Variants in NUP155 observed in about 807,000 individuals in gnomAD.
The protein encoded by NUP155 is nucleoporin 155.
In NUP155, 71 loss-of-function variants were observed where a neutral mutation model predicts 180.4. That is an observed-to-expected ratio of 0.39 (90% confidence interval 0.33 to 0.48). The LOEUF (loss-of-function observed/expected upper bound fraction) is 0.48, where lower values mean the gene tolerates loss of function less well. NUP155 is among the 20% of genes least tolerant of loss of function. The pLI is 0.91. For synonymous variants in NUP155, 582 were observed against 559.5 expected (o/e 1.04, Z -0.57); for missense variants, 1,553 against 1,648.9 (o/e 0.94, Z 1.01).
rs1277573561 is a variant in NUP155 at position 37,341,137 on chromosome 5, GA to G, written c.1198del (p.Ser400GlnfsTer20). On this transcript the variant is annotated frameshift_variant, in exon 11 of 35. Coordinates refer to ENST00000231498, the MANE Select transcript of NUP155 (RefSeq NM_153485.3). LOFTEE classifies it high-confidence loss of function. ...TACTTTTGAAGGCTTTTCCACGGTT[GA>G]AGATGCTGAGAATCCAGGAGGTAAG... ...VRLPPGFSASSTVEKPSKVHR... is the reference protein window; with the variant it reads ...VRLPPGFSASXTVEKPSKVHR... The G allele has an allele frequency of 6.2e-7, 1 of 1,613,808 alleles. No homozygotes were observed. Among genetic ancestry groups the G allele is most frequent in the Non-Finnish European group, 8.5e-7 (1 of 1,179,824 alleles).
chr5:37,367,570 T>G (rs928610432), intron 1 of NUP155, among the ~76,000 whole-genome samples: 5 of 151,004 alleles, frequency 3.3e-5, no homozygotes, highest in African/African-American at 1.2e-4. Context: ...TCTCACTCTG[T>G]CGCCCAGGCT....
chr5:37,315,154 C>T (rs1479109560), intron 21 of NUP155, among the ~76,000 whole-genome samples: 2 of 152,300 alleles, frequency 1.3e-5, no homozygotes, highest in Non-Finnish European at 1.5e-5. Flanking sequence ...ATCGCTTGGA[C>T]CTGGGAGGTA....
intron 12 of NUP155, among the ~76,000 whole-genome samples, chr5:37,333,911 C>T (rs1318530489): frequency 6.6e-6 from 1 of 151,494 alleles, no homozygotes; most frequent in Non-Finnish European, 1.5e-5. Flanking sequence ...AAGTGATTCT[C>T]CTGCCTCAGC....
chr5:37,346,223 G>T (rs1284616268), intron 9 of NUP155, among the ~76,000 whole-genome samples: 1 of 151,308 alleles, frequency 6.6e-6, no homozygotes, highest in Non-Finnish European at 1.5e-5. Flanking sequence ...GGCTATAGCA[G>T]ACTACAATTG....
intron 19 of NUP155, among the ~76,000 whole-genome samples, chr5:37,324,523 T>C (rs1744455567): frequency 6.6e-6 from 1 of 152,114 alleles, no homozygotes; most frequent in Admixed American, 6.6e-5. Context: ...AATCATATAC[T>C]GTGTTAGGCA....
In NUP155 at chr5:37,371,005, G is replaced by A; in HGVS notation, c.-28C>T. The A allele has an allele frequency of 6.2e-7, 1 of 1,610,982 alleles. No homozygotes were observed. Among genetic ancestry groups the A allele is most frequent in the Non-Finnish European group, 8.5e-7 (1 of 1,178,334 alleles). On this transcript the variant is annotated 5_prime_UTR_variant, in exon 1 of 35. Transcript: ENST00000231498. ...CGGAAATCGTAGACACCAGGGTCCA[G>A]AAAAAGTCAAAAACCAAGGAGAAAC...
chr5:37,331,790 G>T lies in NUP155; in HGVS notation c.1524C>A (p.Ser508Arg). The T allele has an allele frequency of 1.3e-6, 2 of 1,598,112 alleles. No homozygotes were observed. Among genetic ancestry groups the T allele is most frequent in the Non-Finnish European group, 1.7e-6 (2 of 1,167,876 alleles). ...CAGGTCTAAGTTTATGAAACATAAG[G>T]CTCCCCTAAGAAATTTGAAGAAAGA... The part of the protein sequence containing the change: ...KKFVLLSAQG[S>R]LMFHKLRPVD... Residue 508 changes from serine (S) to arginine (R), a missense_variant, in exon 14 of 35, where the codon AGC becomes AGA. Transcript: ENST00000231498.
intron 29 of NUP155, 72 bp downstream of exon 29, chr5:37,302,707 G>C: frequency 6.7e-7 from 1 of 1,495,460 alleles, no homozygotes; most frequent in Non-Finnish European, 9.3e-7. Flanking sequence ...CTTACCAAGG[G>C]AAGAATGGAA....
intron 20 of NUP155, among the ~76,000 whole-genome samples, chr5:37,322,062 C>T (rs1234701266): frequency 6.6e-6 from 1 of 152,080 alleles, no homozygotes; most frequent in African/African-American, 2.4e-5. Context: ...CCATGTTGGT[C>T]AGGCTGGTCT....
chr5:37,318,111 G>A (rs1472568077), intron 20 of NUP155, 26 bp from the exon 21 acceptor site: 1 of 1,262,812 alleles, frequency 7.9e-7, no homozygotes, highest in African/African-American at 1.5e-5. Flanking sequence ...CAGAATGTGT[G>A]TGTTTATAAC....
At chr5:37,304,983 T>C in intron 26 of NUP155, 74 bp downstream of exon 26, 1 of 1,566,266 alleles carries the variant, frequency 6.4e-7, no homozygotes, top group Non-Finnish European at 8.8e-7. Context: ...TTCCCCAAGA[T>C]GACTGTGCTA....
rs931613705 is a variant in NUP155, at chr5:37,310,661, G to A, written c.2519C>T (p.Ser840Phe). The change falls in exon 23 of 35, where the codon TCT becomes TTT. Residue 840 changes from serine to phenylalanine, a missense_variant. Transcript: ENST00000231498. ...DKELTGALIA[S>F]LINCYIRDNA... The stretch of plus-strand genomic sequence containing the variant: ...ATCTCTGATGTAGCAGTTGATAAGA[G>A]AAGCAATTAATGCCCCTGTGAGTTC... The A allele has an allele frequency of 9.9e-6, 16 of 1,613,694 alleles. No individual in the cohort carries two copies. Among genetic ancestry groups the A allele is most frequent in the African/African-American group, 1.3e-5 (1 of 74,924 alleles).
rs1237886120 is a variant in NUP155 at position 37,304,773 on chromosome 5, A to G, written c.3128T>C (p.Leu1043Pro). Residue 1043 changes from leucine (L) to proline (P), a missense_variant, in exon 27 of 35, where the codon CTA (leucine) becomes CCA (proline). By Grantham distance (98) the Leu-to-Pro change is moderately conservative (BLOSUM62 -3). Transcript: ENST00000231498. ...CTTATCTGCAAGGTCGACTTGTATT[A>G]GCCAATTATAAAGGGCAATACTAAA... ...ELFSIALYNWLIQVDLADKLL... is the reference protein window; with the variant it reads ...ELFSIALYNWPIQVDLADKLL... 1 of 1,613,540 alleles carries G rather than the reference A, an allele frequency of 6.2e-7. No homozygotes were observed. The highest frequency in any genetic ancestry group is 8.5e-7 in the Non-Finnish European group (1 of 1,179,486).
At position 37,290,283 on chromosome 5, in the gene NUP155, G is replaced by T; in HGVS notation, c.*1617C>A. ...ACTTGAGGTCAGGAGTTCAAGACCA[G>T]CCTGGCCAACATGGTGAAACCCATC... On this transcript the variant is annotated 3_prime_UTR_variant, in exon 35 of 35. Transcript: ENST00000231498. 6.6e-6 allele frequency: 1 copy of T among 152,128 alleles called. No individual in the cohort carries two copies. Among genetic ancestry groups the T allele is most frequent in the South Asian group, 2.1e-4 (1 of 4,826 alleles). 9.4% of individuals were successfully genotyped at this position (152,128 alleles called of 1,614,324 possible).
At chr5:37,349,942 T>C (rs1350403888) in intron 7 of NUP155, among the ~76,000 whole-genome samples, 1 of 152,228 alleles carries the variant, frequency 6.6e-6, no homozygotes, top group African/African-American at 2.4e-5. Flanking sequence ...AGTTCTTTGA[T>C]GCTACATTTA....
In NUP155 at chr5:37,353,714, C is replaced by T. The variant is rs1005447444; in HGVS notation, c.464-885G>A. Among the ~76,000 whole-genome samples, 69 of 152,056 alleles carry T rather than the reference C, an allele frequency of 4.5e-4. 1 individual carries two copies. Among genetic ancestry groups the T allele is most frequent in the Non-Finnish European group, 6.9e-4 (47 of 68,006 alleles). On this transcript the variant is annotated intron_variant, in intron 4 of 34. Transcript: ENST00000231498. Reference sequence around the variant, plus strand: ...TGACCAATATAGTACCATATGATTCCATTTATATGAGGAAACCTAGAATAG... The same window carrying T: ...TGACCAATATAGTACCATATGATTCTATTTATATGAGGAAACCTAGAATAG...
intron 29 of NUP155, among the ~76,000 whole-genome samples, chr5:37,302,223 CA>C (rs1742902458): frequency 6.6e-6 from 1 of 151,998 alleles, no homozygotes; most frequent in African/African-American, 2.4e-5. Context: ...TTGGGAAAAA[CA>C]TTTATTTTTT....
intron 20 of NUP155, among the ~76,000 whole-genome samples, chr5:37,321,739 T>C (rs902809626): frequency 2.6e-5 from 4 of 152,146 alleles, no homozygotes; most frequent in Admixed American, 2.0e-4. Context: ...GGAATATATA[T>C]ATATATGTAT....
At chr5:37,307,496 G>C in intron 24 of NUP155, 64 bp from the exon 25 acceptor site, 2 of 1,463,890 alleles carry the variant, frequency 1.4e-6, no homozygotes, top group South Asian at 1.1e-5. Context: ...TTTTTCCTTA[G>C]CTGGCACATG....
Sources: gnomAD v4.1 joint callset for allele counts (sites outside exome capture counted in the v4.1 genomes callset) on GRCh38, gnomAD v4.1.1 for gene constraint, MANE v1.5 for transcripts, NCBI Gene and HGNC (gene_info 2026-07-23, HGNC 2026-07-21) for gene names.